The following PRKG1 variants were observed in gnomAD, a reference collection of about 807,000 sequenced individuals.
PRKG1 encodes the protein protein kinase cGMP-dependent 1.
In PRKG1, 35 loss-of-function variants were observed where a neutral mutation model predicts 88.1. That is an observed-to-expected ratio of 0.40 (90% CI 0.30 to 0.53). The LOEUF (loss-of-function observed/expected upper bound fraction) is 0.53, where lower values mean the gene tolerates loss of function less well. Ranked by LOEUF, PRKG1 falls within the 20% of genes least tolerant of loss-of-function variation. The pLI is 0.59. For synonymous variants in PRKG1, 303 were observed against 292.5 expected, an observed-to-expected ratio of 1.04 and a Z score of -0.37; for missense variants, 540 against 839.8, an observed-to-expected ratio of 0.64 and a Z score of 4.41.
At chr10:51,685,180 C>T (rs538134426) in intron 3 of PRKG1, among the ~76,000 whole-genome samples, 7 of 152,272 alleles carry the variant, frequency 4.6e-5, no homozygotes, top group African/African-American at 1.7e-4. Flanking sequence ...TATTACTTGT[C>T]TCTTTCATAA....
rs550878127 is a variant in PRKG1 at position 52,187,369 on chromosome 10, C to A, written c.1076+25406C>A. ...CCTGAGTTACAGTAGTAAAACATGG[C>A]ATTATATTAAGACAGAAAACACAAA... On this transcript the variant is annotated intron_variant, in intron 9 of 17. Transcript: ENST00000373980. Among the ~76,000 whole-genome samples the A allele has an allele frequency of 3.3e-5, 5 of 151,648 alleles. No individual in the cohort carries two copies. The South Asian group carries it at 8.3e-4, about 25-fold the overall frequency.
At chr10:51,263,570 A>C (rs1287844341) in intron 2 of PRKG1, among the ~76,000 whole-genome samples, 9 of 151,588 alleles carry the variant, frequency 5.9e-5, no homozygotes, top group African/African-American at 2.2e-4. Flanking sequence ...TGTAAACAAA[A>C]ACAAGGAGGA....
At chr10:51,882,262 T>A (rs544091697) in intron 4 of PRKG1, among the ~76,000 whole-genome samples, 1 of 152,174 alleles carries the variant, frequency 6.6e-6, no homozygotes, top group African/African-American at 2.4e-5. Context: ...TGGAGAAACA[T>A]TATCAGTGAC....
At chr10:52,135,179 T>A (rs1048291248) in intron 8 of PRKG1, among the ~76,000 whole-genome samples, 5 of 151,518 alleles carry the variant, frequency 3.3e-5, no homozygotes, top group South Asian at 2.1e-4. Flanking sequence ...TTGAGAAGAG[T>A]CGGGGAGGTG....
intron 5 of PRKG1, among the ~76,000 whole-genome samples, chr10:51,927,331 A>G (rs1006478408): frequency 3.4e-4 from 52 of 152,130 alleles, no homozygotes; most frequent in Admixed American, 3.3e-3. Flanking sequence ...CCACCATGTG[A>G]GACGTGCCTT....
chr10:51,047,902 C>T (rs1843511785), intron 1 of PRKG1, among the ~76,000 whole-genome samples: 1 of 152,052 alleles, frequency 6.6e-6, no homozygotes, highest in Non-Finnish European at 1.5e-5. Context: ...ACATGCTTGG[C>T]CTGCTTTATT....
chr10:51,349,454 TTGTG>T (rs34302728), intron 2 of PRKG1, among the ~76,000 whole-genome samples: 2,756 of 97,404 alleles, frequency 0.028, 80 homozygotes, highest in African/African-American at 0.092. Flanking sequence ...TTCATATTGT[TTGTG>T]TGTGTGTGTG....
intron 2 of PRKG1, among the ~76,000 whole-genome samples, chr10:51,324,657 C>T (rs967418089): frequency 1.3e-5 from 2 of 151,772 alleles, no homozygotes; most frequent in Middle Eastern, 3.5e-3. Flanking sequence ...AGGACAATGG[C>T]GTGAACCTGG....
At chr10:51,742,776 A>G (rs1385929170) in intron 3 of PRKG1, among the ~76,000 whole-genome samples, 2 of 152,110 alleles carry the variant, frequency 1.3e-5, no homozygotes, top group African/African-American at 4.8e-5. Context: ...TCAACTCTTT[A>G]TGTGGTAAAT....
chr10:52,159,153 A>AT (rs1349513807), intron 8 of PRKG1, among the ~76,000 whole-genome samples: 2 of 151,530 alleles, frequency 1.3e-5, no homozygotes, highest in Admixed American at 6.6e-5. Context: ...TTCAGTTTTA[A>AT]TTTTTTTATA....
intron 6 of PRKG1, among the ~76,000 whole-genome samples, chr10:52,058,444 C>T (rs1300512998): frequency 6.6e-6 from 1 of 152,036 alleles, no homozygotes. Context: ...TAAAACTTCT[C>T]AGCAAACTGA....
intron 4 of PRKG1, among the ~76,000 whole-genome samples, chr10:51,821,046 T>C (rs1005643154): frequency 2.0e-5 from 3 of 152,188 alleles, no homozygotes; most frequent in Non-Finnish European, 2.9e-5. Flanking sequence ...CTATTCTGAG[T>C]TCTACCATTA....
At chr10:52,269,379 T>C (rs1334578497) in intron 10 of PRKG1, among the ~76,000 whole-genome samples, 2 of 152,094 alleles carry the variant, frequency 1.3e-5, no homozygotes, top group Non-Finnish European at 2.9e-5. Context: ...GAGTACAGGG[T>C]CTTTGGCTGT....
intron 3 of PRKG1, among the ~76,000 whole-genome samples, chr10:51,588,616 T>TG (rs1838230750): frequency 6.6e-6 from 1 of 152,170 alleles, no homozygotes; most frequent in South Asian, 2.1e-4. Context: ...GATTTCTTCT[T>TG]GGGAAAAAAC....
At chr10:51,047,083 A>C (rs1843498497) in intron 1 of PRKG1, among the ~76,000 whole-genome samples, 1 of 152,194 alleles carries the variant, frequency 6.6e-6, no homozygotes, top group Non-Finnish European at 1.5e-5. Context: ...AGGGAAATAC[A>C]CGTTTTTCTC....
At chr10:52,258,651 A>G (rs1841362451) in intron 10 of PRKG1, among the ~76,000 whole-genome samples, 1 of 152,096 alleles carries the variant, frequency 6.6e-6, no homozygotes, top group South Asian at 2.1e-4. Context: ...CATCTGTTTT[A>G]AAACATCCAA....
chr10:51,363,930 A>G (rs1227869194), intron 2 of PRKG1, among the ~76,000 whole-genome samples: 1 of 152,000 alleles, frequency 6.6e-6, no homozygotes, highest in East Asian at 1.9e-4. Context: ...TAAGTCAAAT[A>G]GCTTTGTTCT....
intron 3 of PRKG1, among the ~76,000 whole-genome samples, chr10:51,760,187 C>T (rs879203274): frequency 6.6e-6 from 1 of 152,182 alleles, no homozygotes; most frequent in Admixed American, 6.5e-5. Context: ...TTTCTCAATT[C>T]ATAGTTTCCC....
intron 2 of PRKG1, among the ~76,000 whole-genome samples, chr10:51,465,729 G>A (rs1187791006): frequency 6.6e-6 from 1 of 152,110 alleles, no homozygotes; most frequent in African/African-American, 2.4e-5. Context: ...TCTCCACTGG[G>A]CAAGGGGAAA....
Sources: allele counts gnomAD v4.1 joint callset (sites outside exome capture counted in the v4.1 genomes callset), GRCh38; gene constraint gnomAD v4.1.1; transcripts MANE v1.5; gene names NCBI Gene and HGNC (gene_info 2026-07-23, HGNC 2026-07-21).